DGKH: variants seen among roughly 807,000 people sequenced by gnomAD.
The protein encoded by DGKH is diacylglycerol kinase eta.
In DGKH, 90 loss-of-function variants were observed where a neutral mutation model predicts 159.3. That is an observed-to-expected ratio of 0.57 (90% CI 0.48 to 0.67). The LOEUF is 0.67. DGKH is among the 30% of genes least tolerant of loss of function. DGKH has a pLI of 0.00. For missense variants in DGKH, 1,181 were observed against 1,506.1 expected, an observed-to-expected ratio of 0.78 and a Z score of 3.57; for synonymous variants, 536 against 553.8, an observed-to-expected ratio of 0.97 and a Z score of 0.45.
intron 7 of DGKH, among the ~76,000 whole-genome samples, chr13:42,162,261 A>G (rs1956201638): frequency 6.6e-6 from 1 of 152,230 alleles, no homozygotes; most frequent in Non-Finnish European, 1.5e-5. Flanking sequence ...CTGTAATCCC[A>G]GCACCTTGGG....
chr13:42,220,909 G>C (rs558716535), intron 28 of DGKH, among the ~76,000 whole-genome samples: 4 of 152,302 alleles, frequency 2.6e-5, no homozygotes, highest in African/African-American at 9.6e-5. Context: ...TTTTCATACA[G>C]GGTCTGAAGG....
At chr13:42,152,728 A>G (rs150349534) in intron 3 of DGKH, among the ~76,000 whole-genome samples, 10 of 151,818 alleles carry the variant, frequency 6.6e-5, no homozygotes, top group African/African-American at 2.2e-4. Flanking sequence ...CTGTGAAGTA[A>G]CAGTTAGAAC....
intron 9 of DGKH, among the ~76,000 whole-genome samples, chr13:42,167,445 G>A (rs914514043): frequency 1.3e-5 from 2 of 152,160 alleles, no homozygotes; most frequent in African/African-American, 2.4e-5. Flanking sequence ...GTTTCGTAAT[G>A]TGATACTTTC....
At chr13:42,142,521 C>T (rs1172788704) in intron 3 of DGKH, among the ~76,000 whole-genome samples, 4 of 151,538 alleles carry the variant, frequency 2.6e-5, no homozygotes, top group African/African-American at 9.7e-5. Context: ...ATTCTTCCTA[C>T]CCATGAGCAT....
At chr13:42,174,492 G>C (rs1956551428) in intron 12 of DGKH, among the ~76,000 whole-genome samples, 1 of 152,140 alleles carries the variant, frequency 6.6e-6, no homozygotes, top group African/African-American at 2.4e-5. Flanking sequence ...ATTCCTCCCT[G>C]CATGTTCTAT....
chr13:42,244,820 C>A (rs1336066678), downstream of DGKH, among the ~76,000 whole-genome samples: 1 of 128,140 alleles, frequency 7.8e-6, no homozygotes, highest in East Asian at 2.6e-4. Flanking sequence ...AGGAGAATGG[C>A]GTGAACCCGG....
chr13:42,142,038 T>G (rs572529556), intron 3 of DGKH, among the ~76,000 whole-genome samples: 1 of 151,236 alleles, frequency 6.6e-6, no homozygotes, highest in East Asian at 1.9e-4. Context: ...GGTCTAACAT[T>G]TAAGTCTTTA....
intron 5 of DGKH, among the ~76,000 whole-genome samples, chr13:42,156,683 C>A (rs781392308): frequency 6.6e-6 from 1 of 152,218 alleles, no homozygotes; most frequent in East Asian, 1.9e-4. Context: ...ATAATACCAG[C>A]TTTTTTTCTC....
rs180679880 is a variant in DGKH at position 42,143,773 on chromosome 13, A to G, written c.385-11518A>G. ...CCCTTTATCATTTTTTATTGTATCT[A>G]TTTGATTCTTCTCTCTTTTTTTCTT... On this transcript the variant is annotated intron_variant, in intron 3 of 29. Transcript: ENST00000337343. 1.7e-3 allele frequency among the ~76,000 whole-genome samples: 253 copies of G among 151,990 alleles called. 1 individual carries two copies. Among genetic ancestry groups the G allele is most frequent in the African/African-American group, 5.8e-3 (240 of 41,438 alleles).
intron 1 of DGKH, among the ~76,000 whole-genome samples, chr13:42,043,331 GT>G (rs976359811): frequency 6.6e-6 from 1 of 151,820 alleles, no homozygotes; most frequent in African/African-American, 2.4e-5. Flanking sequence ...CCATTTCAAA[GT>G]TTTTTTTTAA....
Position 42,126,346 on chromosome 13 carries a change from T to C in DGKH, c.193-1117T>C, listed in dbSNP as rs367865468. On this transcript the variant is annotated intron_variant, in intron 1 of 29. Coordinates refer to ENST00000337343, the MANE Select transcript of DGKH (RefSeq NM_178009.5). Reference sequence around the variant, plus strand: ...TGAAACACGCAGTTACTCAGGTGGGTCTCATTGAGATGGTCAAGACCTGAA... The same window carrying C: ...TGAAACACGCAGTTACTCAGGTGGGCCTCATTGAGATGGTCAAGACCTGAA... Among the ~76,000 whole-genome samples, 39 of 152,062 alleles carry C rather than the reference T, an allele frequency of 2.6e-4. No individual in the cohort carries two copies. The South Asian group carries it at 6.4e-3, about 25-fold the overall frequency.
intron 1 of DGKH, among the ~76,000 whole-genome samples, chr13:42,099,345 C>T (rs180924811): frequency 1.3e-5 from 2 of 152,138 alleles, no homozygotes; most frequent in East Asian, 3.9e-4. Context: ...GTGCAGAGTG[C>T]GGGGCTGAAT....
chr13:42,084,669 A>T (rs1484307440), intron 1 of DGKH, among the ~76,000 whole-genome samples: 1 of 152,102 alleles, frequency 6.6e-6, no homozygotes, highest in Non-Finnish European at 1.5e-5. Context: ...TTTACAGTTA[A>T]CAATATTCTT....
chr13:42,096,280 C>T (rs1954532139), intron 1 of DGKH, among the ~76,000 whole-genome samples: 2 of 151,894 alleles, frequency 1.3e-5, no homozygotes, highest in South Asian at 4.2e-4. Flanking sequence ...CTGTTGTTCC[C>T]ATCTTTATGT....
intron 1 of DGKH, among the ~76,000 whole-genome samples, chr13:42,123,772 A>G (rs1955119621): frequency 6.6e-6 from 1 of 152,236 alleles, no homozygotes; most frequent in African/African-American, 2.4e-5. Context: ...AACGCACATT[A>G]AAACCACAAT....
chr13:42,080,424 A>G (rs979909700), intron 1 of DGKH, among the ~76,000 whole-genome samples: 31 of 152,158 alleles, frequency 2.0e-4, no homozygotes, highest in African/African-American at 7.2e-4. Context: ...CTTAATGAGT[A>G]TATTATGACT....
Position 42,141,649 on chromosome 13 carries a change from A to G in DGKH, c.384+12017A>G, listed in dbSNP as rs1280483882. On this transcript the variant is annotated intron_variant, in intron 3 of 29. Coordinates refer to ENST00000337343, the MANE Select transcript of DGKH (RefSeq NM_178009.5). Reference sequence around the variant, plus strand: ...TTTGATTTGCATTTCTCTGATGGCCAGTATTGATGAGCATTTTTTCATGTG... The same window carrying G: ...TTTGATTTGCATTTCTCTGATGGCCGGTATTGATGAGCATTTTTTCATGTG... 7.2e-5 allele frequency among the ~76,000 whole-genome samples: 11 copies of G among 152,314 alleles called. No homozygotes were observed. The East Asian group carries it at 2.1e-3, about 29-fold the overall frequency.
At chr13:42,184,706 A>T (rs1388615610) in intron 13 of DGKH, among the ~76,000 whole-genome samples, 11 of 151,848 alleles carry the variant, frequency 7.2e-5, no homozygotes, top group Admixed American at 7.2e-4. Context: ...TACCAAAAAA[A>T]ATTTTTTTAA....
chr13:42,191,385 A>G (rs1265976861), intron 16 of DGKH, among the ~76,000 whole-genome samples: 1 of 152,182 alleles, frequency 6.6e-6, no homozygotes, highest in Non-Finnish European at 1.5e-5. Context: ...AAAGCTAACT[A>G]TTGGGTCCTA....
Sources: gnomAD v4.1 joint callset for allele counts (sites outside exome capture counted in the v4.1 genomes callset) on GRCh38, gnomAD v4.1.1 for gene constraint, MANE v1.5 for transcripts, NCBI Gene and HGNC (gene_info 2026-07-23, HGNC 2026-07-21) for gene names.